Variants in LOC400499 observed in about 807,000 individuals in gnomAD.
the LOC400499 span, among the ~76,000 whole-genome samples, chr16:11,479,977 G>T: frequency 0.32 from 49,067 of 151,964 alleles, 8,678 homozygotes; most frequent in African/African-American, 0.44. Context: ...TGGGAGATTT[G>T]ATATAAAACC....
At chr16:11,473,967 T>C in the LOC400499 span, among the ~76,000 whole-genome samples, 1 of 152,168 alleles carries the variant, frequency 6.6e-6, no homozygotes, top group African/African-American at 2.4e-5. Flanking sequence ...GCGGACTTCC[T>C]GTCAGCCTTC....
the LOC400499 span, among the ~76,000 whole-genome samples, chr16:11,406,116 C>A: frequency 6.6e-6 from 1 of 152,286 alleles, no homozygotes; most frequent in East Asian, 1.9e-4. Flanking sequence ...TCCCTGTCAC[C>A]CAAATATCGA....
At chr16:11,429,568 T>A in the LOC400499 span, among the ~76,000 whole-genome samples, 30 of 151,528 alleles carry the variant, frequency 2.0e-4, no homozygotes, top group African/African-American at 6.9e-4. Context: ...CTGCCTCCCA[T>A]GTTCGAGTGA....
chr16:11,435,476 C>G, the LOC400499 span, among the ~76,000 whole-genome samples: 1 of 152,142 alleles, frequency 6.6e-6, no homozygotes, highest in African/African-American at 2.4e-5. Flanking sequence ...AAACAAAGGG[C>G]CAAAGTGAAG....
chr16:11,440,978 G>A, the LOC400499 span: 1 of 399,082 alleles, frequency 2.5e-6, no homozygotes, highest in Non-Finnish European at 4.4e-6. Context: ...GGCTGTGCCG[G>A]ATTTCCCCAT....
the LOC400499 span, chr16:11,392,525 G>A: frequency 2.5e-6 from 1 of 399,034 alleles, no homozygotes; most frequent in Non-Finnish European, 4.4e-6. Context: ...GGGACCTGCT[G>A]GTGCCCCCAC....
the LOC400499 span, among the ~76,000 whole-genome samples, chr16:11,517,662 G>T: frequency 1.0e-3 from 158 of 152,288 alleles, 1 homozygote; most frequent in African/African-American, 3.7e-3. Flanking sequence ...CCTTCTTGGG[G>T]GATATCACAC....
the LOC400499 span, among the ~76,000 whole-genome samples, chr16:11,517,492 G>A: frequency 6.6e-6 from 1 of 152,180 alleles, no homozygotes; most frequent in Non-Finnish European, 1.5e-5. Context: ...TTCTGGATGA[G>A]GAAACAGGCT....
chr16:11,473,378 C>G, the LOC400499 span, among the ~76,000 whole-genome samples: 1 of 151,686 alleles, frequency 6.6e-6, no homozygotes, highest in African/African-American at 2.4e-5. Context: ...TCAAGATCTC[C>G]TATTATTTGG....
chr16:11,439,702 T>C, the LOC400499 span: 1 of 396,004 alleles, frequency 2.5e-6, no homozygotes, highest in Non-Finnish European at 4.4e-6. Context: ...CAGAAACTTC[T>C]GTCCTCCCTT....
chr16:11,378,762 G>T, the LOC400499 span, among the ~76,000 whole-genome samples: 1 of 152,178 alleles, frequency 6.6e-6, no homozygotes, highest in Non-Finnish European at 1.5e-5. Flanking sequence ...CTTCTAGTAT[G>T]ATTTCAGTCA....
the LOC400499 span, chr16:11,393,556 G>A: frequency 8.1e-6 from 10 of 1,232,258 alleles, no homozygotes; most frequent in African/African-American, 1.6e-5. Context: ...TTGGAGCCAC[G>A]AAGCTGGGAG....
the LOC400499 span, chr16:11,385,428 C>G: frequency 2.4e-6 from 3 of 1,232,014 alleles, no homozygotes; most frequent in Admixed American, 4.2e-5. Context: ...TGGGTAGAAG[C>G]AGCCCAAAGG....
chr16:11,458,438 G>C, the LOC400499 span, among the ~76,000 whole-genome samples: 1 of 151,644 alleles, frequency 6.6e-6, no homozygotes, highest in African/African-American at 2.4e-5. Context: ...CTGGGAGGCG[G>C]AGGTTGCAGT....
the LOC400499 span, chr16:11,450,559 A>C: frequency 1.2e-5 from 18 of 1,511,702 alleles, no homozygotes; most frequent in Non-Finnish European, 1.6e-5. Context: ...CCAGAAAAAG[A>C]TCTCAGTGGC....
At chr16:11,377,672 T>C in the LOC400499 span, among the ~76,000 whole-genome samples, 1 of 152,256 alleles carries the variant, frequency 6.6e-6, no homozygotes, top group African/African-American at 2.4e-5. Flanking sequence ...TCATGGTGTG[T>C]AATCCTTTTT....
the LOC400499 span, among the ~76,000 whole-genome samples, chr16:11,429,619 G>T: frequency 6.6e-6 from 1 of 151,980 alleles, no homozygotes; most frequent in Admixed American, 6.6e-5. Context: ...GACTACAGGC[G>T]TGTACCGCCA....
the LOC400499 span, chr16:11,519,013 AC>A: frequency 1.3e-5 from 5 of 398,666 alleles, no homozygotes; most frequent in Non-Finnish European, 2.2e-5. Flanking sequence ...CTCCTGTGAT[AC>A]CCCGGGAACT....
the LOC400499 span, among the ~76,000 whole-genome samples, chr16:11,406,907 T>G: frequency 1.3e-5 from 2 of 152,232 alleles, no homozygotes; most frequent in African/African-American, 4.8e-5. Context: ...TTTGTGTGAT[T>G]TCGGGGAGTC....
Sources: gnomAD v4.1 joint callset for allele counts (sites outside exome capture counted in the v4.1 genomes callset) on GRCh38, gnomAD v4.1.1 for gene constraint, MANE v1.5 for transcripts.